The following KCNK9 variants were observed in gnomAD, a reference collection of about 807,000 sequenced individuals.
KCNK9 encodes the protein potassium two pore domain channel subfamily K member 9.
Under a neutral mutation model 10.8 loss-of-function variants are expected in KCNK9, and 1 was observed. That is an observed-to-expected ratio of 0.09 (90% CI 0.03 to 0.44). The LOEUF (loss-of-function observed/expected upper bound fraction) is 0.44, where lower values mean the gene tolerates loss of function less well. Ranked by LOEUF, KCNK9 falls within the 20% of genes least tolerant of loss-of-function variation. KCNK9 has a pLI of 0.97. For missense variants in KCNK9, 303 were observed against 515.0 expected, an observed-to-expected ratio of 0.59 and a Z score of 3.98; for synonymous variants, 231 against 222.7, an observed-to-expected ratio of 1.04 and a Z score of -0.33.
chr8:139,698,860 A>G (rs1817128519), intron 1 of KCNK9, among the ~76,000 whole-genome samples: 1 of 152,152 alleles, frequency 6.6e-6, no homozygotes, highest in South Asian at 2.1e-4. Flanking sequence ...ATCTCAAGGC[A>G]CTCTGTTTTC....
intron 1 of KCNK9, among the ~76,000 whole-genome samples, chr8:139,700,524 ACACACACACACACACGCGCG>A (rs1586702335): frequency 8.1e-6 from 1 of 123,684 alleles, no homozygotes; most frequent in Admixed American, 8.4e-5. Flanking sequence ...GCGCGCGCAC[ACACACACACACACACGCGCG>A]CACACACACA....
downstream of KCNK9, chr8:139,615,981 G>C (rs1348007882): frequency 2.0e-5 from 3 of 152,182 alleles, no homozygotes; most frequent in Admixed American, 6.5e-5. Context: ...TCCTCCGAGG[G>C]CTGAGTTAGG....
intron 1 of KCNK9, among the ~76,000 whole-genome samples, chr8:139,690,876 A>G (rs1816921553): frequency 6.6e-6 from 1 of 152,204 alleles, no homozygotes; most frequent in South Asian, 2.1e-4. Context: ...ATGGTTGTGG[A>G]TGGGAACCTG....
chr8:139,687,599 TGTATACATATGTATACATATATATTC>T (rs2129783802), intron 1 of KCNK9, among the ~76,000 whole-genome samples: 1 of 57,046 alleles, frequency 1.8e-5, no homozygotes, highest in Admixed American at 2.4e-4. Flanking sequence ...TATATTCATA[TGTATACATATGTATACATATATATTC>T]ATATGTATAC....
intron 1 of KCNK9, among the ~76,000 whole-genome samples, chr8:139,680,843 C>T (rs559477221): frequency 6.1e-4 from 93 of 152,238 alleles, no homozygotes; most frequent in Admixed American, 1.0e-3. Context: ...TCTCTGATCC[C>T]AAGGTCTAGG....
chr8:139,646,194 G>T (rs1290584737), intron 1 of KCNK9, among the ~76,000 whole-genome samples: 1 of 152,194 alleles, frequency 6.6e-6, no homozygotes, highest in Non-Finnish European at 1.5e-5. Flanking sequence ...GGAGCCACAA[G>T]GTCACACCCC....
At chr8:139,701,544 G>T (rs554072241) in intron 1 of KCNK9, among the ~76,000 whole-genome samples, 6 of 152,120 alleles carry the variant, frequency 3.9e-5, no homozygotes. Context: ...AAGAAGGGAG[G>T]GGGGAAGGAG....
intron 2 of KCNK9, among the ~76,000 whole-genome samples, chr8:139,606,481 C>T (rs1244128455): frequency 1.3e-5 from 2 of 152,218 alleles, no homozygotes; most frequent in Non-Finnish European, 2.9e-5. Context: ...ACACCCCACC[C>T]TCCCCAGGAG....
intron 1 of KCNK9, among the ~76,000 whole-genome samples, chr8:139,694,071 T>C (rs1435777639): frequency 2.6e-5 from 4 of 152,112 alleles, no homozygotes; most frequent in Admixed American, 1.3e-4. Flanking sequence ...AGCTTTTCCA[T>C]CTCTGAGGAG....
At chr8:139,630,516 C>A (rs1179258686) in intron 1 of KCNK9, among the ~76,000 whole-genome samples, 1 of 152,242 alleles carries the variant, frequency 6.6e-6, no homozygotes, top group South Asian at 2.1e-4. Flanking sequence ...TAGCCACCCA[C>A]ACCCTTCCAC....
At chr8:139,642,377 A>G (rs1379461928) in intron 1 of KCNK9, among the ~76,000 whole-genome samples, 1 of 152,230 alleles carries the variant, frequency 6.6e-6, no homozygotes, top group Non-Finnish European at 1.5e-5. Context: ...AAGCAATAAA[A>G]TTAAAAACTT....
chr8:139,606,552 T>C (rs1175467677), intron 2 of KCNK9, among the ~76,000 whole-genome samples: 1 of 152,202 alleles, frequency 6.6e-6, no homozygotes, highest in African/African-American at 2.4e-5. Context: ...AATTCAAGCT[T>C]AATTTCTTCT....
chr8:139,611,149 C>T (rs933431397), downstream of KCNK9, among the ~76,000 whole-genome samples: 1 of 152,224 alleles, frequency 6.6e-6, no homozygotes, highest in African/African-American at 2.4e-5. Context: ...GAGACATGGG[C>T]CTTGCTTTTG....
chr8:139,680,886 A>G (rs1563749252), intron 1 of KCNK9, among the ~76,000 whole-genome samples: 2 of 151,954 alleles, frequency 1.3e-5, no homozygotes, highest in African/African-American at 2.4e-5. Context: ...CACAATCTCC[A>G]TGGTCCTGCC....
chr8:139,702,272 C>G lies in KCNK9; in HGVS notation c.283+438G>C, dbSNP rs1817240529. 6.6e-6 allele frequency among the ~76,000 whole-genome samples: 1 copy of G among 152,214 alleles called. No homozygotes were observed. The highest frequency in any genetic ancestry group is 2.4e-5 in the African/African-American group (1 of 41,458). On this transcript the variant is annotated intron_variant, in intron 1 of 1. Coordinates refer to ENST00000520439, the MANE Select transcript of KCNK9 (RefSeq NM_001282534.2). The surrounding 1 kb of genome is among the most constrained non-coding windows in gnomAD (Gnocchi z 7.5). ...GCACTCCCCTGCCACCTGAGTCCCT[C>G]TAGGAGCCATGGGTGCCAGGCCAGC...
intron 1 of KCNK9, among the ~76,000 whole-genome samples, chr8:139,683,065 T>C (rs1485159973): frequency 6.6e-6 from 1 of 152,150 alleles, no homozygotes; most frequent in Non-Finnish European, 1.5e-5. Context: ...CCCTTCTAAA[T>C]TTTAAAAAGC....
intron 1 of KCNK9, among the ~76,000 whole-genome samples, chr8:139,622,603 C>G (rs1814825025): frequency 6.6e-6 from 1 of 152,212 alleles, no homozygotes; most frequent in South Asian, 2.1e-4. Context: ...CCACATACCC[C>G]TCATTGCTTC....
chr8:139,694,393 C>T (rs1243444842), intron 1 of KCNK9, among the ~76,000 whole-genome samples: 1 of 152,214 alleles, frequency 6.6e-6, no homozygotes, highest in Admixed American at 6.5e-5. Context: ...TCTAAGTCTC[C>T]GTTTCATAGA....
chr8:139,651,193 C>T (rs1043620071), intron 1 of KCNK9, among the ~76,000 whole-genome samples: 1 of 152,190 alleles, frequency 6.6e-6, no homozygotes, highest in African/African-American at 2.4e-5. Flanking sequence ...CAAAATATGC[C>T]AGGTGGGGCT....
Sources: allele counts gnomAD v4.1 joint callset (sites outside exome capture counted in the v4.1 genomes callset), GRCh38; gene constraint gnomAD v4.1.1; non-coding constraint Gnocchi (gnomAD v3.1); transcripts MANE v1.5; gene names NCBI Gene and HGNC (gene_info 2026-07-23, HGNC 2026-07-21).